The following SIK3 variants were observed in gnomAD, a reference collection of about 807,000 sequenced individuals.
SIK3 encodes the protein serine/threonine-protein kinase SIK3.
A neutral mutation model predicts 144.2 loss-of-function variants in SIK3; 28 were observed. That is an observed-to-expected ratio of 0.19 (90% CI 0.14 to 0.27). SIK3 has a LOEUF of 0.27. SIK3 is among the 10% of genes least tolerant of loss of function. SIK3 has a pLI of 1.00. For synonymous variants in SIK3, 686 were observed against 676.3 expected (o/e 1.01, Z -0.22); for missense variants, 1,319 against 1,776.0 (o/e 0.74, Z 4.62).
chr11:116,906,667 T>A (rs1320465857), intron 4 of SIK3, among the ~76,000 whole-genome samples: 2 of 152,180 alleles, frequency 1.3e-5, no homozygotes. Flanking sequence ...CTCATCCAAG[T>A]GTTATGTAAC....
At chr11:116,868,248 C>A (rs746505967) in intron 14 of SIK3, among the ~76,000 whole-genome samples, 159 bp from the exon 15 acceptor site, 15 of 152,190 alleles carry the variant, frequency 9.9e-5, no homozygotes, top group Non-Finnish European at 1.8e-4. Context: ...AAGTGAGACA[C>A]GTCTAACTGG....
At chr11:117,057,252 G>GA (rs1311268178) in intron 1 of SIK3, among the ~76,000 whole-genome samples, 1 of 152,088 alleles carries the variant, frequency 6.6e-6, no homozygotes, top group Non-Finnish European at 1.5e-5. Flanking sequence ...GTTAAAGGAG[G>GA]AAAAAATGGA....
At chr11:116,967,900 G>A (rs150432357) in intron 1 of SIK3, among the ~76,000 whole-genome samples, 5 of 152,134 alleles carry the variant, frequency 3.3e-5, no homozygotes, top group East Asian at 1.9e-4. Flanking sequence ...CACTACCAGC[G>A]CTGACAGATA....
chr11:117,003,898 C>G (rs1428451394), intron 1 of SIK3, among the ~76,000 whole-genome samples: 1 of 152,014 alleles, frequency 6.6e-6, no homozygotes, highest in Non-Finnish European at 1.5e-5. Flanking sequence ...TATACTTTAA[C>G]GAGAAATGTT....
At chr11:116,885,097 T>C (rs1280334568) in intron 6 of SIK3, among the ~76,000 whole-genome samples, 3 of 152,236 alleles carry the variant, frequency 2.0e-5, no homozygotes, top group African/African-American at 4.8e-5. Flanking sequence ...CTGCAAATTA[T>C]TGTAATCAGA....
At chr11:116,942,444 C>T (rs1591384338) in intron 3 of SIK3, among the ~76,000 whole-genome samples, 2 of 152,058 alleles carry the variant, frequency 1.3e-5, no homozygotes, top group South Asian at 2.1e-4. Context: ...TTTAATGGCA[C>T]GTAAATTTTA....
chr11:116,909,408 T>C (rs1946220810), intron 4 of SIK3, among the ~76,000 whole-genome samples: 1 of 151,996 alleles, frequency 6.6e-6, no homozygotes, highest in Non-Finnish European at 1.5e-5. Context: ...AAGGATATGG[T>C]TGTGATGAGG....
At position 116,849,028 on chromosome 11, in the gene SIK3, C is replaced by T. The variant is rs1231869284; in HGVS notation, c.3819+92G>A. On this transcript the variant is annotated intron_variant, in intron 22 of 24. Coordinates refer to ENST00000445177, the MANE Select transcript of SIK3 (RefSeq NM_001366686.3). This position sits in a 1 kb window ranked among gnomAD's most constrained non-coding sequence, Gnocchi z 4.2. ...AAGGCTGAATGCTGACTGAGGAGAG[C>T]GGCCAAGAGAGGCTACCCCACATCA... is the stretch of plus-strand genomic sequence containing the variant. 13 of 1,367,354 alleles carry T rather than the reference C, an allele frequency of 9.5e-6. No homozygotes were observed. The highest frequency in any genetic ancestry group is 4.7e-5 in the South Asian group (3 of 63,230). The allele number at this position is 1,367,354 out of a possible 1,614,324, so 84.7% of individuals were successfully genotyped here. A position where few individuals can be genotyped will look rare whatever the true frequency, so the allele number is the denominator to read the frequency against.
intron 1 of SIK3, among the ~76,000 whole-genome samples, chr11:117,011,415 G>A (rs1318348858): frequency 1.3e-5 from 2 of 152,138 alleles, no homozygotes; most frequent in African/African-American, 4.8e-5. Context: ...GATGATTTGG[G>A]ATGAGTCATT....
chr11:116,969,741 A>C (rs549395229), intron 1 of SIK3, among the ~76,000 whole-genome samples: 1 of 152,214 alleles, frequency 6.6e-6, no homozygotes, highest in Admixed American at 6.5e-5. Context: ...AAAATCACAC[A>C]TAAACCCTAA....
intron 6 of SIK3, among the ~76,000 whole-genome samples, chr11:116,879,172 T>C (rs1469709115): frequency 6.6e-6 from 1 of 152,208 alleles, no homozygotes; most frequent in African/African-American, 2.4e-5. Flanking sequence ...GAGATTGTAA[T>C]TGTGAAAATT....
intron 1 of SIK3, among the ~76,000 whole-genome samples, chr11:116,969,011 G>A (rs1949666609): frequency 6.6e-6 from 1 of 152,034 alleles, no homozygotes; most frequent in African/African-American, 2.4e-5. Context: ...TAGACAGACG[G>A]CCGACGCGGT....
In SIK3 at chr11:117,098,280, C is replaced by G. The variant is rs1385315912; in HGVS notation, c.136G>C (p.Gly46Arg). Residue 46 changes from glycine to arginine, a missense_variant, in exon 1 of 25, where the codon GGC (glycine) becomes CGC (arginine). Gly to Arg is a moderately radical substitution (Grantham distance 125, BLOSUM62 -2). Around this residue, in one of 8 missense-constraint regions of SIK3, gnomAD observed 114 missense variants for 116.2 expected, o/e 0.98. Transcript: ENST00000445177. ...AAPAAVSPAAGQPRPPAPASR... is the reference protein window; with the variant it reads ...AAPAAVSPAARQPRPPAPASR... ...GCCGGGGCTGGGGGACGCGGCTGGC[C>G]GGCCGCAGGGGACACGGCAGCGGGG... 2 of 1,344,150 alleles carry G rather than the reference C, an allele frequency of 1.5e-6. No individual in the cohort carries two copies. The highest frequency in any genetic ancestry group is 2.7e-5 in the Admixed American group (1 of 36,728). 83.3% of individuals were successfully genotyped at this position (1,344,150 alleles called of 1,614,324 possible).
At chr11:116,850,946 T>C (rs1407535364) in intron 21 of SIK3, among the ~76,000 whole-genome samples, 1 of 152,268 alleles carries the variant, frequency 6.6e-6, no homozygotes, top group African/African-American at 2.4e-5. Flanking sequence ...AAGGCAGAGA[T>C]TGCAGTGAGC....
chr11:116,906,024 A>G (rs1946011957), intron 4 of SIK3, among the ~76,000 whole-genome samples: 1 of 152,232 alleles, frequency 6.6e-6, no homozygotes, highest in African/African-American at 2.4e-5. Flanking sequence ...TAAAGGTACC[A>G]GTAAAACACA....
intron 3 of SIK3, among the ~76,000 whole-genome samples, chr11:116,937,805 A>G (rs1185138713): frequency 6.6e-6 from 1 of 152,228 alleles, no homozygotes; most frequent in Non-Finnish European, 1.5e-5. Flanking sequence ...TTAAAAATAT[A>G]TATTTCATAG....
At position 117,049,443 on chromosome 11, in the gene SIK3, TG is replaced by T. The variant is rs995326674; in HGVS notation, c.273+48699del. Among the ~76,000 whole-genome samples the T allele has an allele frequency of 3.1e-4, 47 of 151,382 alleles. 1 individual carries two copies. Among genetic ancestry groups the T allele is most frequent in the African/African-American group, 1.1e-3 (47 of 41,226 alleles). On this transcript the variant is annotated intron_variant, in intron 1 of 24. Transcript: ENST00000445177. ...AAATACAAAAATTACCCAAGCATCA[TG>T]GTGCATGCCTATAATCCCAGCTACT...
At chr11:117,030,503 G>A (rs1343220757) in intron 1 of SIK3, among the ~76,000 whole-genome samples, 2 of 152,036 alleles carry the variant, frequency 1.3e-5, no homozygotes, top group Non-Finnish European at 2.9e-5. Context: ...AGACACAACT[G>A]CATATTCAGT....
At chr11:117,031,698 T>C (rs1352991313) in intron 1 of SIK3, among the ~76,000 whole-genome samples, 1 of 139,980 alleles carries the variant, frequency 7.1e-6, no homozygotes, top group Non-Finnish European at 1.5e-5. Flanking sequence ...TTTTTTTTTT[T>C]TTTTTTTTTT....
Sources: allele counts gnomAD v4.1 joint callset (sites outside exome capture counted in the v4.1 genomes callset), GRCh38; gene constraint gnomAD v4.1.1; regional missense constraint gnomAD v4.1.1; non-coding constraint Gnocchi (gnomAD v3.1); transcripts MANE v1.5; gene names NCBI Gene and HGNC (gene_info 2026-07-23, HGNC 2026-07-21).